The following CNTN4 variants were observed in gnomAD, a reference collection of about 807,000 sequenced individuals.
CNTN4 encodes contactin 4.
CNTN4 carries 77 observed loss-of-function variants against 122.5 expected under a neutral mutation model. That is an observed-to-expected ratio of 0.63 (90% CI 0.52 to 0.76). The LOEUF (loss-of-function observed/expected upper bound fraction) is 0.76, where lower values mean the gene tolerates loss of function less well. Among genes scored for constraint, CNTN4 ranks in the 30% least tolerant of loss-of-function variants. CNTN4 has a pLI of 0.00. For synonymous variants in CNTN4, 512 were observed against 447.0 expected (o/e 1.15, Z -1.83); for missense variants, 1,256 against 1,259.1 (o/e 1.00, Z 0.04).
chr3:2,683,460 T>C (rs563235578), intron 4 of CNTN4, among the ~76,000 whole-genome samples: 26 of 123,024 alleles, frequency 2.1e-4, no homozygotes, highest in African/African-American at 8.9e-4. Context: ...TGAATATAAG[T>C]CAGTTTGGTC....
rs532472441 is a variant in CNTN4 at position 2,912,331 on chromosome 3, G to A, written c.1207+9326G>A. Among the ~76,000 whole-genome samples, 27 of 152,236 alleles carry A rather than the reference G, an allele frequency of 1.8e-4. No individual in the cohort carries two copies. In the East Asian group the frequency reaches 4.0e-3, roughly 23 times the overall value. ...GCTGCCAATCAAGAATACTATATCC[G>A]GTAAAACTGTCCTTCCAAAATGAGG... On this transcript the variant is annotated intron_variant, in intron 12 of 24. Transcript: ENST00000418658.
chr3:2,424,888 A>G (rs974615374), intron 3 of CNTN4, among the ~76,000 whole-genome samples: 3 of 152,148 alleles, frequency 2.0e-5, no homozygotes, highest in African/African-American at 4.8e-5. Context: ...GTGTCTGTTC[A>G]TATCCTTTGC....
intron 2 of CNTN4, among the ~76,000 whole-genome samples, chr3:2,146,143 G>T (rs1485353109): frequency 2.0e-5 from 3 of 150,376 alleles, no homozygotes; most frequent in Non-Finnish European, 4.4e-5. Context: ...TATATTTGAG[G>T]GCTATATGAG....
At chr3:2,413,540 A>G (rs2047304095) in intron 3 of CNTN4, among the ~76,000 whole-genome samples, 3 of 151,502 alleles carry the variant, frequency 2.0e-5, no homozygotes, top group Admixed American at 6.6e-5. Context: ...TTTTATATAA[A>G]CCATGATTTC....
chr3:2,577,086 G>C (rs2079724699), intron 4 of CNTN4, among the ~76,000 whole-genome samples: 1 of 152,198 alleles, frequency 6.6e-6, no homozygotes, highest in Non-Finnish European at 1.5e-5. Context: ...AGGGGTTCAA[G>C]GCTGGATTGA....
At chr3:2,219,586 T>G (rs1038861234) in intron 2 of CNTN4, among the ~76,000 whole-genome samples, 2 of 152,150 alleles carry the variant, frequency 1.3e-5, no homozygotes, top group South Asian at 4.1e-4. Context: ...TCTCTACCTG[T>G]TTTTTCAACC....
chr3:2,631,675 G>T (rs1446833478), intron 4 of CNTN4, among the ~76,000 whole-genome samples: 1 of 151,318 alleles, frequency 6.6e-6, no homozygotes, highest in East Asian at 1.9e-4. Flanking sequence ...TAACAAATAT[G>T]CCTTAGGTAA....
chr3:2,352,404 G>A (rs948877510), intron 3 of CNTN4, among the ~76,000 whole-genome samples: 3 of 152,142 alleles, frequency 2.0e-5, no homozygotes, highest in Admixed American at 6.5e-5. Flanking sequence ...GGAAAGGCTC[G>A]GGTGGGAACC....
At chr3:2,229,703 C>G (rs963340804) in intron 2 of CNTN4, among the ~76,000 whole-genome samples, 4 of 152,098 alleles carry the variant, frequency 2.6e-5, no homozygotes, top group African/African-American at 9.7e-5. Flanking sequence ...TTACTGAGAA[C>G]TATGCACCAG....
intron 4 of CNTN4, among the ~76,000 whole-genome samples, chr3:2,647,367 G>A (rs1474934765): frequency 1.3e-5 from 2 of 149,876 alleles, no homozygotes; most frequent in African/African-American, 2.5e-5. Flanking sequence ...GGCAACGAGA[G>A]CGAAACTCAT....
chr3:3,042,413 A>C lies in CNTN4; in HGVS notation c.2502A>C (p.Gln834His). 2 of 1,604,832 alleles carry C rather than the reference A, an allele frequency of 1.2e-6. No homozygotes were observed. The highest frequency in any genetic ancestry group is 1.7e-6 in the Non-Finnish European group (2 of 1,171,478). Residue 834 changes from glutamine to histidine, a missense_variant, in exon 21 of 25, where the codon CAA (glutamine) becomes CAC (histidine). Transcript: ENST00000418658. The stretch of plus-strand genomic sequence containing the variant: ...TGGAGAAGAATAGAGGACGAATACA[A>C]GGTTATGAGGTAGGCAAGACATATG... ...SPLEKNRGRI[Q>H]GYEVKYWRHE...
chr3:2,351,676 AT>A (rs1268130934), intron 3 of CNTN4, among the ~76,000 whole-genome samples: 1 of 152,156 alleles, frequency 6.6e-6, no homozygotes, highest in Non-Finnish European at 1.5e-5. Context: ...GGAATTTCCC[AT>A]TTAATATTTT....
At chr3:2,154,723 A>G (rs1017242863) in intron 2 of CNTN4, among the ~76,000 whole-genome samples, 1 of 152,304 alleles carries the variant, frequency 6.6e-6, no homozygotes, top group Middle Eastern at 3.4e-3. Flanking sequence ...AATGATTGTG[A>G]TCTGTTTTGC....
intron 3 of CNTN4, among the ~76,000 whole-genome samples, chr3:2,440,640 T>A (rs542071138): frequency 1.3e-5 from 2 of 152,002 alleles, no homozygotes; most frequent in East Asian, 3.9e-4. Flanking sequence ...ACATTCTGAA[T>A]TTTTTAATTT....
In CNTN4 at chr3:2,821,155, C is replaced by G. The variant is rs375059030; in HGVS notation, c.454+1574C>G. Reference sequence around the variant, plus strand: ...TATTTTTAGTAGAGATAGGATTTCACCATGTTGACCAGGCTGGTCTCAAAC... The same window carrying G: ...TATTTTTAGTAGAGATAGGATTTCAGCATGTTGACCAGGCTGGTCTCAAAC... On this transcript the variant is annotated intron_variant, in intron 7 of 24. Coordinates refer to ENST00000418658, the MANE Select transcript of CNTN4 (RefSeq NM_175607.3). 5.9e-5 allele frequency among the ~76,000 whole-genome samples: 9 copies of G among 151,988 alleles called. No homozygotes were observed. The South Asian group carries it at 8.3e-4, about 14-fold the overall frequency.
At chr3:2,182,329 CAAA>C (rs968386504) in intron 2 of CNTN4, among the ~76,000 whole-genome samples, 1 of 151,478 alleles carries the variant, frequency 6.6e-6, no homozygotes, top group African/African-American at 2.4e-5. Flanking sequence ...CTTGGATATC[CAAA>C]AAAAGATTCT....
At chr3:2,125,874 G>T (rs1174038755) in intron 2 of CNTN4, among the ~76,000 whole-genome samples, 1 of 148,550 alleles carries the variant, frequency 6.7e-6, no homozygotes, top group East Asian at 2.0e-4. Flanking sequence ...AGATTTATAA[G>T]TTGCTCAGTT....
chr3:3,052,944 G>T (rs572979211), intron 23 of CNTN4, among the ~76,000 whole-genome samples: 2 of 152,294 alleles, frequency 1.3e-5, no homozygotes, highest in African/African-American at 4.8e-5. Context: ...TGCCATGTAT[G>T]TTCTCTGATT....
At chr3:2,292,248 T>C (rs1193699580) in intron 2 of CNTN4, among the ~76,000 whole-genome samples, 1 of 152,256 alleles carries the variant, frequency 6.6e-6, no homozygotes, top group Non-Finnish European at 1.5e-5. Context: ...TTTATAAGCT[T>C]GTCTCTTGCA....
Sources: allele counts gnomAD v4.1 joint callset (sites outside exome capture counted in the v4.1 genomes callset), GRCh38; gene constraint gnomAD v4.1.1; transcripts MANE v1.5; gene names NCBI Gene and HGNC (gene_info 2026-07-23, HGNC 2026-07-21).